ITGAE: variants seen among roughly 807,000 people sequenced by gnomAD.
ITGAE encodes integrin alpha-E.
In ITGAE, 99 loss-of-function variants were observed where a neutral mutation model predicts 136.5. The observed-to-expected ratio is 0.73, with a 90% confidence interval of 0.62 to 0.86. The LOEUF is 0.86. Among genes scored for constraint, ITGAE ranks in the 40% least tolerant of loss-of-function variants. The probability of loss-of-function intolerance (pLI) is 0.00; values close to 1 mark genes in which losing one functional copy is unlikely to be tolerated. For synonymous variants in ITGAE, 613 were observed against 591.8 expected (o/e 1.04, Z -0.52); for missense variants, 1,447 against 1,515.3 (o/e 0.95, Z 0.75).
chr17:3,719,470 G>A (rs1043647991), intron 29 of ITGAE, among the ~76,000 whole-genome samples: 1 of 152,042 alleles, frequency 6.6e-6, no homozygotes, highest in African/African-American at 2.4e-5. Flanking sequence ...CTGAAGCCAT[G>A]TCCAGGCAAG....
intron 1 of ITGAE, among the ~76,000 whole-genome samples, chr17:3,780,795 G>A (rs1169613911): frequency 6.6e-6 from 1 of 151,890 alleles, no homozygotes; most frequent in Non-Finnish European, 1.5e-5. Context: ...TTACCTCCAG[G>A]GCTCAATCCA....
chr17:3,737,103 G>C (rs908253260), intron 20 of ITGAE, among the ~76,000 whole-genome samples: 20 of 152,232 alleles, frequency 1.3e-4, no homozygotes, highest in African/African-American at 3.8e-4. Flanking sequence ...GACCAGCCTG[G>C]CCAACATGGT....
At chr17:3,771,699 G>A (rs2052428069) in intron 2 of ITGAE, among the ~76,000 whole-genome samples, 1 of 151,804 alleles carries the variant, frequency 6.6e-6, no homozygotes, top group Non-Finnish European at 1.5e-5. Context: ...ACCACACCCG[G>A]CTAATTTTTA....
In ITGAE at chr17:3,759,317, G is replaced by T; in HGVS notation, c.866+85C>A. On this transcript the variant is annotated intron_variant, in intron 8 of 30. Coordinates refer to ENST00000263087, the MANE Select transcript of ITGAE (RefSeq NM_002208.5). The stretch of plus-strand genomic sequence containing the variant: ...TGGAGCCCTAATTCTCTTCTCCTGC[G>T]GTTCTGGCCAGCCACTTCCTCCATG... 8.8e-6 allele frequency: 13 copies of T among 1,480,500 alleles called. 1 individual carries two copies. In the Middle Eastern group the frequency reaches 5.2e-4, roughly 60 times the overall value. 91.7% of individuals were successfully genotyped at this position (1,480,500 alleles called of 1,614,324 possible). A position where few individuals can be genotyped will look rare whatever the true frequency, so the allele number is the denominator to read the frequency against.
rs140383131 is a variant in ITGAE, at chr17:3,771,630, T to C, written c.155+5910A>G. ...GTCTTGGCTCACTGTAACCTCCGCCTCCCGGGTTCAAGCGATTCTCCTGCC... is the reference window on the plus strand; with the variant it reads ...GTCTTGGCTCACTGTAACCTCCGCCCCCCGGGTTCAAGCGATTCTCCTGCC... On this transcript the variant is annotated intron_variant, in intron 2 of 30. Transcript: ENST00000263087. Among the ~76,000 whole-genome samples, 388 of 144,464 alleles carry C rather than the reference T, an allele frequency of 2.7e-3. 4 individuals are homozygous for C. Among genetic ancestry groups the C allele is most frequent in the African/African-American group, 9.4e-3 (365 of 38,822 alleles). The allele number at this position is 144,464 out of a possible 152,430, so 94.8% of individuals were successfully genotyped here. A position where few individuals can be genotyped will look rare whatever the true frequency, so the allele number is the denominator to read the frequency against.
intron 18 of ITGAE, among the ~76,000 whole-genome samples, chr17:3,745,259 C>G (rs1012366353): frequency 6.6e-6 from 1 of 152,172 alleles, no homozygotes; most frequent in Non-Finnish European, 1.5e-5. Context: ...GCCAAGAACA[C>G]TGGCATTCCT....
Position 3,731,111 on chromosome 17 carries a change from C to G in ITGAE, c.2827G>C (p.Val943Leu). 6.2e-7 allele frequency: 1 copy of G among 1,612,796 alleles called. No individual in the cohort carries two copies. Among genetic ancestry groups the G allele is most frequent in the Non-Finnish European group, 8.5e-7 (1 of 1,178,966 alleles). ...PNRTADITVT[V>L]TNSNERRSLA... is the part of the protein sequence containing the mutation. ...GACCCAGGCAGTACTTACTTGGTGA[C>G]AGTCACAGTGATGTCTGCTGTCCTG... The change falls in exon 23 of 31, where the codon GTC becomes CTC. Residue 943 changes from valine (V) to leucine (L), a missense_variant. Around this residue, in one of 3 missense-constraint regions of ITGAE, gnomAD observed 1,031 missense variants for 1,011.4 expected, o/e 1.02. Coordinates refer to ENST00000263087, the MANE Select transcript of ITGAE (RefSeq NM_002208.5).
chr17:3,760,294 A>C lies in ITGAE; in HGVS notation c.599-7T>G. The C allele has an allele frequency of 6.3e-7, 1 of 1,584,654 alleles. No individual in the cohort carries two copies. Among genetic ancestry groups the C allele is most frequent in the South Asian group, 1.1e-5 (1 of 90,316 alleles). ...ATGATGGCAATCTCGGTGCCTGGCC[A>C]AGACAAACAGGTCAGGAGTGGGCAT... On this transcript the variant is annotated splice_polypyrimidine_tract_variant and splice_region_variant and intron_variant, in intron 6 of 30. Transcript: ENST00000263087.
intron 19 of ITGAE, among the ~76,000 whole-genome samples, chr17:3,743,283 G>A (rs1012559809): frequency 2.0e-5 from 3 of 152,234 alleles, no homozygotes; most frequent in African/African-American, 7.2e-5. Flanking sequence ...GGCAGATGGA[G>A]ACCTGCGTTA....
chr17:3,786,753 G>C (rs1174630537), intron 1 of ITGAE, among the ~76,000 whole-genome samples: 1 of 151,946 alleles, frequency 6.6e-6, no homozygotes, highest in Admixed American at 6.6e-5. Flanking sequence ...AGCTGGGCGT[G>C]GTGGCGCACA....
intron 26 of ITGAE, among the ~76,000 whole-genome samples, chr17:3,727,100 C>T (rs1369192398): frequency 6.7e-6 from 1 of 149,606 alleles, no homozygotes; most frequent in Non-Finnish European, 1.5e-5. Context: ...AGCCTTAACA[C>T]TTATGTAGTC....
intron 26 of ITGAE, 98 bp from the exon 27 acceptor site, chr17:3,723,842 G>A (rs1338236929): frequency 7.8e-6 from 12 of 1,538,230 alleles, no homozygotes; most frequent in East Asian, 2.3e-5. Flanking sequence ...GCATGCGCAG[G>A]GCCGGGAGCT....
intron 17 of ITGAE, 61 bp downstream of exon 17, chr17:3,747,861 A>T: frequency 1.4e-6 from 1 of 712,318 alleles, no homozygotes; most frequent in Non-Finnish European, 2.1e-6. Flanking sequence ...CCTGCCCCTT[A>T]CAGAAGCCAA....
intron 2 of ITGAE, among the ~76,000 whole-genome samples, chr17:3,774,935 T>C (rs1336926290): frequency 1.3e-5 from 2 of 152,070 alleles, no homozygotes; most frequent in African/African-American, 2.4e-5. Flanking sequence ...ATGCATATTT[T>C]ACTTACTTGC....
chr17:3,781,046 TGTAA>T (rs1257510546), intron 1 of ITGAE, among the ~76,000 whole-genome samples: 1 of 152,250 alleles, frequency 6.6e-6, no homozygotes, highest in African/African-American at 2.4e-5. Context: ...AGTCTCTTTT[TGTAA>T]GTTTGTTTAC....
Position 3,714,848 on chromosome 17 carries a change from T to C in ITGAE, c.3539A>G (p.Ter1180TrpextTer29). 2.5e-6 allele frequency: 4 copies of C among 1,587,640 alleles called. No individual in the cohort carries two copies. Among genetic ancestry groups the C allele is most frequent in the Non-Finnish European group, 3.5e-6 (4 of 1,156,558 alleles). ...KSENLLEEEN[*>W] ...GCCTCTCCCAGTGGATAGCAGGTCCTAATTCTCTTCTTCGAGCAGATTCTC... is the reference window on the plus strand; with the variant it reads ...GCCTCTCCCAGTGGATAGCAGGTCCCAATTCTCTTCTTCGAGCAGATTCTC... The change falls in exon 31 of 31, where the codon TAG becomes TGG. Residue 1180 changes from the stop codon to tryptophan, a stop_lost. Coordinates refer to ENST00000263087, the MANE Select transcript of ITGAE (RefSeq NM_002208.5).
chr17:3,749,354 A>ACG (rs1321940091), intron 16 of ITGAE, among the ~76,000 whole-genome samples: 3 of 151,390 alleles, frequency 2.0e-5, no homozygotes, highest in Non-Finnish European at 4.4e-5. Context: ...TCCCGGGTTC[A>ACG]CCATTCTCCT....
intron 13 of ITGAE, 103 bp from the exon 14 acceptor site, chr17:3,753,533 C>T (rs920899562): frequency 8.6e-5 from 120 of 1,398,134 alleles, no homozygotes; most frequent in Non-Finnish European, 1.1e-4. Flanking sequence ...CAATTTGGGT[C>T]GTTACATATC....
intron 1 of ITGAE, among the ~76,000 whole-genome samples, chr17:3,787,445 G>A (rs534583506): frequency 6.6e-5 from 10 of 152,136 alleles, no homozygotes; most frequent in South Asian, 2.1e-4. Context: ...GAATTAAAGC[G>A]GTGGGGTCTA....
Sources: allele counts gnomAD v4.1 joint callset (sites outside exome capture counted in the v4.1 genomes callset), GRCh38; gene constraint gnomAD v4.1.1; regional missense constraint gnomAD v4.1.1; transcripts MANE v1.5; gene names NCBI Gene and HGNC (gene_info 2026-07-23, HGNC 2026-07-21).